EPAS1: variants seen among roughly 807,000 people sequenced by gnomAD.
The protein encoded by EPAS1 is endothelial PAS domain protein 1, also known as endothelial PAS domain-containing protein 1.
EPAS1 carries 23 observed loss-of-function variants against 87.9 expected under a neutral mutation model. That is an observed-to-expected ratio of 0.26 (90% confidence interval 0.19 to 0.37). The LOEUF is 0.37. Among genes scored for constraint, EPAS1 ranks in the 10% least tolerant of loss-of-function variants. EPAS1 has a pLI of 1.00. For missense variants in EPAS1, 1,138 were observed against 1,120.7 expected, an observed-to-expected ratio of 1.02 and a Z score of -0.22; for synonymous variants, 508 against 444.3, an observed-to-expected ratio of 1.14 and a Z score of -1.80.
intron 2 of EPAS1, among the ~76,000 whole-genome samples, chr2:46,354,244 A>G (rs1684224266): frequency 1.3e-5 from 2 of 152,216 alleles, no homozygotes; most frequent in African/African-American, 4.8e-5. Context: ...ATTGAATTGC[A>G]TTCTACATTC....
intron 1 of EPAS1, among the ~76,000 whole-genome samples, chr2:46,317,427 T>G (rs1683365115): frequency 6.6e-6 from 1 of 152,216 alleles, no homozygotes; most frequent in Non-Finnish European, 1.5e-5. Flanking sequence ...AACATTAATT[T>G]TGTGCGTCTC....
chr2:46,315,360 G>A (rs1160142682), intron 1 of EPAS1, among the ~76,000 whole-genome samples: 2 of 152,174 alleles, frequency 1.3e-5, no homozygotes, highest in Non-Finnish European at 2.9e-5. Flanking sequence ...ACTGTGGGAC[G>A]GAGGTGAGTC....
chr2:46,297,988 G>T (rs1682919618), intron 1 of EPAS1, 51 bp downstream of exon 1: 2 of 1,600,826 alleles, frequency 1.2e-6, no homozygotes, highest in South Asian at 2.2e-5. Flanking sequence ...CCAGGGCCGG[G>T]CTGCGCGGGG....
At position 46,301,008 on chromosome 2, in the gene EPAS1, T is replaced by C. The variant is rs192964056; in HGVS notation, c.26+3071T>C. Among the ~76,000 whole-genome samples the C allele has an allele frequency of 1.4e-4, 21 of 152,386 alleles. No individual in the cohort carries two copies. The East Asian group carries it at 1.5e-3, about 11-fold the overall frequency. ...AAATAAATATTCCCTCCACACTTGATATGTTTCCATTGTATTACCAGCAGC... is the reference window on the plus strand; with the variant it reads ...AAATAAATATTCCCTCCACACTTGACATGTTTCCATTGTATTACCAGCAGC... On this transcript the variant is annotated intron_variant, in intron 1 of 15. Coordinates refer to ENST00000263734, the MANE Select transcript of EPAS1 (RefSeq NM_001430.5).
chr2:46,351,437 A>G (rs1572633315), intron 2 of EPAS1, among the ~76,000 whole-genome samples: 3 of 152,290 alleles, frequency 2.0e-5, no homozygotes, highest in Non-Finnish European at 2.9e-5. Context: ...CTTCTGTCAA[A>G]GGCATCAGAG....
Position 46,384,558 on chromosome 2 carries a change from C to T in EPAS1, c.2511C>T (p.Pro837=), listed in dbSNP as rs35795449. The change falls in exon 16 of 16, where the codon CCC becomes CCT. Residue 837 remains proline (P), a synonymous_variant. Coordinates refer to ENST00000263734, the MANE Select transcript of EPAS1 (RefSeq NM_001430.5). Reference sequence around the variant, plus strand: ...CCTCATTTGAGTCCTACCTGCTGCCCGAACTGACCAGATATGACTGTGAGG... The same window carrying T: ...CCTCATTTGAGTCCTACCTGCTGCCTGAACTGACCAGATATGACTGTGAGG... ...LGPSFESYLL[P]ELTRYDCEVN... The T allele has an allele frequency of 3.1e-3, 5,053 of 1,614,180 alleles. 135 individuals carry two copies. In the African/African-American group the frequency reaches 0.058, roughly 19 times the overall value.
At chr2:46,372,938 A>G (rs569868547) in intron 7 of EPAS1, among the ~76,000 whole-genome samples, 1 of 152,342 alleles carries the variant, frequency 6.6e-6, no homozygotes, top group East Asian at 1.9e-4. Flanking sequence ...AGAGAGGACA[A>G]AAGTTATTTC....
At chr2:46,311,008 T>C (rs1250970683) in intron 1 of EPAS1, among the ~76,000 whole-genome samples, 1 of 152,158 alleles carries the variant, frequency 6.6e-6, no homozygotes, top group Admixed American at 6.5e-5. Context: ...TCCCCAGTAG[T>C]TGGGACTACA....
chr2:46,297,925 A>G lies in EPAS1; in HGVS notation c.14A>G (p.Lys5Arg), dbSNP rs1158312540. The change falls in exon 1 of 16, where the codon AAG becomes AGG. Residue 5 changes from lysine (K) to arginine (R), a missense_variant. Transcript: ENST00000263734. MTAD[K>R]EKKRSSSERR... ...GCCACAGCGACAATGACAGCTGACA[A>G]GGAGAAGAAAAGGTAAGCGGGCGTC... 6.2e-7 allele frequency: 1 copy of G among 1,612,524 alleles called. No individual in the cohort carries two copies. Among genetic ancestry groups the G allele is most frequent in the Non-Finnish European group, 8.5e-7 (1 of 1,179,296 alleles).
In EPAS1 at chr2:46,307,678, C is replaced by A. The variant is rs1438186863; in HGVS notation, c.26+9741C>A. Among the ~76,000 whole-genome samples the A allele has an allele frequency of 7.9e-5, 12 of 152,298 alleles. No individual in the cohort carries two copies. In the South Asian group the frequency reaches 2.5e-3, roughly 32 times the overall value. ...GGGCACTGTGTGGTCCCCTGACTCT[C>A]TGGAGTCTTCCAGAGTTCCATGGAA... On this transcript the variant is annotated intron_variant, in intron 1 of 15. Coordinates refer to ENST00000263734, the MANE Select transcript of EPAS1 (RefSeq NM_001430.5).
chr2:46,325,250 C>T (rs1393007656), intron 1 of EPAS1, among the ~76,000 whole-genome samples: 1 of 152,212 alleles, frequency 6.6e-6, no homozygotes, highest in Non-Finnish European at 1.5e-5. Flanking sequence ...TATTGTATTA[C>T]ATTAGAGTAT....
intron 6 of EPAS1, among the ~76,000 whole-genome samples, chr2:46,364,654 T>G (rs987599830): frequency 2.0e-5 from 3 of 152,208 alleles, no homozygotes; most frequent in African/African-American, 7.2e-5. Context: ...TTCATAACAA[T>G]TCATGTCGGT....
At chr2:46,348,523 GC>G (rs967843971) in intron 2 of EPAS1, among the ~76,000 whole-genome samples, 1 of 152,174 alleles carries the variant, frequency 6.6e-6, no homozygotes, top group African/African-American at 2.4e-5. Context: ...CTGGATGGAG[GC>G]CCCTTCCCCA....
chr2:46,379,307 C>A (rs915811722), intron 11 of EPAS1, among the ~76,000 whole-genome samples: 3 of 152,140 alleles, frequency 2.0e-5, no homozygotes, highest in Non-Finnish European at 4.4e-5. Context: ...GGGAGGGGTA[C>A]GTGTTTTACA....
intron 2 of EPAS1, among the ~76,000 whole-genome samples, chr2:46,350,894 T>C (rs917007565): frequency 2.6e-5 from 4 of 152,218 alleles, no homozygotes; most frequent in Non-Finnish European, 5.9e-5. Context: ...AGATTATATT[T>C]TCCTGATCTC....
At chr2:46,345,747 T>C (rs1415886680) in intron 1 of EPAS1, among the ~76,000 whole-genome samples, 1 of 152,220 alleles carries the variant, frequency 6.6e-6, no homozygotes, top group East Asian at 1.9e-4. Flanking sequence ...ATAGGAAGTA[T>C]TATGTATAAT....
Position 46,300,860 on chromosome 2 carries a change from C to A in EPAS1, c.26+2923C>A, listed in dbSNP as rs1203676197. On this transcript the variant is annotated intron_variant, in intron 1 of 15. Transcript: ENST00000263734. The surrounding 1 kb of genome is among the most constrained non-coding windows in gnomAD (Gnocchi z 4.1). ...GAGACACCTGGATCTCCAATCTCCC[C>A]CTCCTTCTGACAGCTGGACTTAGTT... Among the ~76,000 whole-genome samples the A allele has an allele frequency of 1.3e-5, 2 of 152,134 alleles. No homozygotes were observed. The highest frequency in any genetic ancestry group is 4.8e-5 in the African/African-American group (2 of 41,422).
At chr2:46,313,394 T>C (rs1200078602) in intron 1 of EPAS1, among the ~76,000 whole-genome samples, 1 of 152,164 alleles carries the variant, frequency 6.6e-6, no homozygotes, top group Admixed American at 6.5e-5. Flanking sequence ...TTAACCTCCC[T>C]CCTGTTCTGT....
Position 46,313,265 on chromosome 2 carries a change from C to G in EPAS1, c.26+15328C>G, listed in dbSNP as rs957284316. Among the ~76,000 whole-genome samples the G allele has an allele frequency of 1.1e-4, 16 of 152,144 alleles. 1 individual carries two copies. Among genetic ancestry groups the G allele is most frequent in the Admixed American group, 7.2e-4 (11 of 15,282 alleles). ...TTCATCTGTAACATCTTTGATGCCC[C>G]TAATGCCTAAGCTTGCTCATCCCTC... On this transcript the variant is annotated intron_variant, in intron 1 of 15. Coordinates refer to ENST00000263734, the MANE Select transcript of EPAS1 (RefSeq NM_001430.5).
Sources: gnomAD v4.1 joint callset for allele counts (sites outside exome capture counted in the v4.1 genomes callset) on GRCh38, gnomAD v4.1.1 for gene constraint, Gnocchi (gnomAD v3.1) non-coding constraint, MANE v1.5 for transcripts, NCBI Gene and HGNC (gene_info 2026-07-23, HGNC 2026-07-21) for gene names.